The following LRP1B variants were observed in gnomAD, a reference collection of about 807,000 sequenced individuals.
LRP1B encodes the protein low-density lipoprotein receptor-related protein 1B.
LRP1B carries 217 observed loss-of-function variants against 556.6 expected under a neutral mutation model. The ratio of observed to expected loss-of-function variants is 0.39; its 90% CI spans 0.35 to 0.44. The LOEUF is 0.44. Among genes scored for constraint, LRP1B ranks in the 20% least tolerant of loss-of-function variants. The pLI is 1.00. For synonymous variants in LRP1B, 2,047 were observed against 1,865.8 expected (o/e 1.10, Z -2.50); for missense variants, 5,053 against 5,620.8 (o/e 0.90, Z 3.23).
rs529730150 is a variant in LRP1B at position 141,513,702 on chromosome 2, G to C, written c.206-33169C>G. ...ATTTATTTATTTTTTGTTTTTTAAA[G>C]GACAAACTTAAAGTCTCTTGTGCTT... is the stretch of plus-strand genomic sequence containing the variant. On this transcript the variant is annotated intron_variant, in intron 2 of 90. Transcript: ENST00000389484. Among the ~76,000 whole-genome samples, 5 of 149,536 alleles carry C rather than the reference G, an allele frequency of 3.3e-5. No individual in the cohort carries two copies. In the East Asian group the frequency reaches 1.0e-3, roughly 30 times the overall value.
At chr2:140,359,360 A>C (rs1024022743) in intron 72 of LRP1B, among the ~76,000 whole-genome samples, 23 of 151,840 alleles carry the variant, frequency 1.5e-4, no homozygotes, top group African/African-American at 5.3e-4. Flanking sequence ...TAGGTCATTC[A>C]GTGAAAACAA....
chr2:141,093,550 G>C (rs1253384965), intron 7 of LRP1B, among the ~76,000 whole-genome samples: 3 of 152,138 alleles, frequency 2.0e-5, no homozygotes, highest in African/African-American at 7.2e-5. Flanking sequence ...CTGTTTGTTT[G>C]TGTGTTCCTT....
At chr2:141,283,240 C>T (rs917350760) in intron 3 of LRP1B, among the ~76,000 whole-genome samples, 3 of 151,784 alleles carry the variant, frequency 2.0e-5, no homozygotes, top group Non-Finnish European at 4.4e-5. Flanking sequence ...TGGAAGATTC[C>T]CTGAAGTAAA....
At position 140,416,500 on chromosome 2, in the gene LRP1B, A is replaced by C. The variant is rs532548823; in HGVS notation, c.10414+26004T>G. ...GTGAAACATGTCTCTACAAAAAAAT[A>C]CAAAAATTAGCCAAGCATGGTGATG... On this transcript the variant is annotated intron_variant, in intron 66 of 90. Coordinates refer to ENST00000389484, the MANE Select transcript of LRP1B (RefSeq NM_018557.3). Among the ~76,000 whole-genome samples the C allele has an allele frequency of 1.9e-4, 29 of 152,142 alleles. 1 individual carries two copies. The South Asian group carries it at 5.8e-3, about 30-fold the overall frequency.
chr2:141,426,222 G>C (rs1414341200), intron 3 of LRP1B, among the ~76,000 whole-genome samples: 1 of 151,840 alleles, frequency 6.6e-6, no homozygotes, highest in Non-Finnish European at 1.5e-5. Context: ...TCAAAGATCA[G>C]ATAGTTGTAG....
intron 3 of LRP1B, among the ~76,000 whole-genome samples, chr2:141,440,317 G>A (rs935174471): frequency 2.0e-5 from 3 of 152,182 alleles, no homozygotes; most frequent in Non-Finnish European, 1.5e-5. Context: ...CACTTCTCCT[G>A]GAACCTCTGG....
chr2:141,693,022 T>A (rs1166445963), intron 2 of LRP1B, among the ~76,000 whole-genome samples: 1 of 152,030 alleles, frequency 6.6e-6, no homozygotes, highest in Non-Finnish European at 1.5e-5. Context: ...AAGAGGGTGC[T>A]AGAAGAGCAC....
At chr2:140,238,068 A>G (rs941860478) in intron 89 of LRP1B, 84 bp downstream of exon 89, 1 of 1,239,934 alleles carries the variant, frequency 8.1e-7, no homozygotes, top group African/African-American at 1.5e-5. Context: ...ATAACAGAAA[A>G]ACTTGGTGAA....
chr2:141,510,427 T>C (rs1027450479), intron 2 of LRP1B, among the ~76,000 whole-genome samples: 4 of 152,266 alleles, frequency 2.6e-5, no homozygotes, highest in Non-Finnish European at 4.4e-5. Flanking sequence ...AGCAAAACAA[T>C]GATTTTTTAA....
At chr2:141,870,286 G>A (rs1287286131) in intron 1 of LRP1B, among the ~76,000 whole-genome samples, 2 of 151,780 alleles carry the variant, frequency 1.3e-5, no homozygotes, top group Non-Finnish European at 2.9e-5. Flanking sequence ...CTACTCTGAT[G>A]ACTTCAGCCT....
chr2:140,501,090 A>G (rs1484224838), intron 55 of LRP1B, among the ~76,000 whole-genome samples: 1 of 151,954 alleles, frequency 6.6e-6, no homozygotes, highest in African/African-American at 2.4e-5. Flanking sequence ...AGTTGGTTTT[A>G]GAAGCTATTT....
At chr2:141,390,137 T>C (rs934955175) in intron 3 of LRP1B, among the ~76,000 whole-genome samples, 2 of 152,016 alleles carry the variant, frequency 1.3e-5, no homozygotes, top group African/African-American at 4.8e-5. Flanking sequence ...AAACTCCATT[T>C]CTAAATAAAT....
At chr2:141,890,378 G>GTATATATATATGTATTGTGTATA (rs368894103) in intron 1 of LRP1B, among the ~76,000 whole-genome samples, 17 of 125,430 alleles carry the variant, frequency 1.4e-4, no homozygotes, top group Non-Finnish European at 2.5e-4. Context: ...TATATAGTGT[G>GTATATATATATGTATTGTGTATA]TATACATATA....
intron 1 of LRP1B, among the ~76,000 whole-genome samples, chr2:141,868,322 C>T (rs1417391889): frequency 6.6e-6 from 1 of 152,034 alleles, no homozygotes; most frequent in Non-Finnish European, 1.5e-5. Context: ...TTTCAACCAT[C>T]TGTACTTGTG....
At chr2:141,008,970 A>C (rs1697659041) in intron 14 of LRP1B, among the ~76,000 whole-genome samples, 1 of 151,968 alleles carries the variant, frequency 6.6e-6, no homozygotes, top group African/African-American at 2.4e-5. Flanking sequence ...TTTTGTTAAT[A>C]AAGTATCTTT....
At position 141,024,542 on chromosome 2, in the gene LRP1B, G is replaced by T. The variant is rs553232483; in HGVS notation, c.1790-4440C>A. Among the ~76,000 whole-genome samples, 75 of 151,992 alleles carry T rather than the reference G, an allele frequency of 4.9e-4. 1 individual carries two copies. The highest frequency in any genetic ancestry group is 1.5e-3 in the African/African-American group (62 of 41,512). On this transcript the variant is annotated intron_variant, in intron 11 of 90. Transcript: ENST00000389484. The stretch of plus-strand genomic sequence containing the variant: ...GTTATTTTATCTTTGATACAATGAA[G>T]ACATGGACAAGTAAAGATAGTGTCA...
chr2:141,042,067 A>G (rs78792458), intron 11 of LRP1B, among the ~76,000 whole-genome samples: 2,831 of 152,206 alleles, frequency 0.019, 128 homozygotes, highest in East Asian at 0.19. Context: ...CTTGCATATC[A>G]GTATTGCTGA....
At chr2:141,139,780 AATGTGT>A (rs1430778667) in intron 7 of LRP1B, among the ~76,000 whole-genome samples, 2 of 100,746 alleles carry the variant, frequency 2.0e-5, no homozygotes, top group African/African-American at 7.7e-5. Flanking sequence ...ACATTGGAAA[AATGTGT>A]GTGTGTGTGT....
At chr2:141,547,928 T>A (rs1157252250) in intron 2 of LRP1B, among the ~76,000 whole-genome samples, 1 of 152,192 alleles carries the variant, frequency 6.6e-6, no homozygotes, top group African/African-American at 2.4e-5. Context: ...TATGAGGAAC[T>A]GTGAGCACAA....
Sources: allele counts gnomAD v4.1 joint callset (sites outside exome capture counted in the v4.1 genomes callset), GRCh38; gene constraint gnomAD v4.1.1; transcripts MANE v1.5; gene names NCBI Gene and HGNC (gene_info 2026-07-23, HGNC 2026-07-21).